Variants in BTBD1 observed in about 807,000 individuals in gnomAD.
BTBD1 encodes the protein BTB domain containing 1.
In BTBD1, 34 loss-of-function variants were observed where a neutral mutation model predicts 48.0. That is an observed-to-expected ratio of 0.71 (90% CI 0.54 to 0.94). The LOEUF is 0.94. Ranked by LOEUF, BTBD1 falls within the 40% of genes least tolerant of loss-of-function variation. The probability of loss-of-function intolerance (pLI) is 0.00; values close to 1 mark genes in which losing one functional copy is unlikely to be tolerated. For missense variants in BTBD1, 543 were observed against 625.6 expected (o/e 0.87, Z 1.41); for synonymous variants, 261 against 242.1 (o/e 1.08, Z -0.72).
At chr15:83,035,412 G>A (rs1407958586) in intron 4 of BTBD1, among the ~76,000 whole-genome samples, 1 of 151,864 alleles carries the variant, frequency 6.6e-6, no homozygotes, top group Non-Finnish European at 1.5e-5. Flanking sequence ...TGACTATACT[G>A]GAATTAAGAC....
rs2032189685 is a variant in BTBD1 at position 83,017,316 on chromosome 15, C to G, written c.*751G>C. On this transcript the variant is annotated 3_prime_UTR_variant, in exon 8 of 8. Coordinates refer to ENST00000261721, the MANE Select transcript of BTBD1 (RefSeq NM_025238.4). ...ATCTTGGGAATCATCAGCAGTGTCC[C>G]CCACACAGAGAGACAGGTATAGTGG... is the stretch of plus-strand genomic sequence containing the variant. The G allele has an allele frequency of 6.6e-6, 1 of 152,602 alleles. No homozygotes were observed. Among genetic ancestry groups the G allele is most frequent in the Non-Finnish European group, 1.5e-5 (1 of 68,040 alleles). The allele number at this position is 152,602 out of a possible 1,614,324, so 9.5% of individuals were successfully genotyped here. A position where few individuals can be genotyped will look rare whatever the true frequency, so the allele number is the denominator to read the frequency against.
intron 4 of BTBD1, among the ~76,000 whole-genome samples, chr15:83,037,890 C>G (rs944742907): frequency 1.3e-5 from 2 of 152,112 alleles, no homozygotes; most frequent in Non-Finnish European, 2.9e-5. Flanking sequence ...TTGAGACCAG[C>G]CTGGCCAACA....
intron 4 of BTBD1, among the ~76,000 whole-genome samples, chr15:83,034,082 G>A (rs1167255169): frequency 1.6e-5 from 2 of 128,330 alleles, no homozygotes; most frequent in African/African-American, 5.9e-5. Flanking sequence ...AGGAGACACT[G>A]TCTACACCAA....
At chr15:83,060,358 T>C (rs1462233966) in intron 1 of BTBD1, among the ~76,000 whole-genome samples, 5 of 151,192 alleles carry the variant, frequency 3.3e-5, no homozygotes, top group African/African-American at 1.2e-4. Flanking sequence ...TATTTTAAAG[T>C]GATCATTTAA....
Position 83,053,558 on chromosome 15 carries a change from A to G in BTBD1, c.558+2831T>C, listed in dbSNP as rs1024597169. ...CATTTTAATTGCCAAAGTTTAGTTTATTGGTTTCTGAATTTATATCTCACC... is the reference window on the plus strand; with the variant it reads ...CATTTTAATTGCCAAAGTTTAGTTTGTTGGTTTCTGAATTTATATCTCACC... On this transcript the variant is annotated intron_variant, in intron 2 of 7. Transcript: ENST00000261721. Among the ~76,000 whole-genome samples the G allele has an allele frequency of 2.0e-5, 3 of 152,196 alleles. 1 individual carries two copies. Among genetic ancestry groups the G allele is most frequent in the African/African-American group, 7.2e-5 (3 of 41,442 alleles).
intron 5 of BTBD1, among the ~76,000 whole-genome samples, chr15:83,021,640 G>A (rs745671138): frequency 6.6e-6 from 1 of 152,002 alleles, no homozygotes; most frequent in Admixed American, 6.6e-5. Flanking sequence ...TGTAATCCCA[G>A]CTACTAGAGA....
intron 4 of BTBD1, among the ~76,000 whole-genome samples, chr15:83,034,157 GT>G (rs1250693937): frequency 6.7e-6 from 1 of 148,924 alleles, no homozygotes; most frequent in Non-Finnish European, 1.5e-5. Context: ...TAAATATAAA[GT>G]GAACCAAATA....
intron 4 of BTBD1, among the ~76,000 whole-genome samples, chr15:83,038,277 A>G (rs543939050): frequency 6.6e-6 from 1 of 152,276 alleles, no homozygotes; most frequent in East Asian, 1.9e-4. Context: ...CTAGAAATAC[A>G]TCTAACTAAG....
At chr15:83,060,578 G>T (rs912637016) in intron 1 of BTBD1, among the ~76,000 whole-genome samples, 7 of 152,018 alleles carry the variant, frequency 4.6e-5, no homozygotes, top group Non-Finnish European at 8.8e-5. Context: ...CGGATCACCT[G>T]GGGTCAGGAG....
At chr15:83,060,655 G>A (rs1235040395) in intron 1 of BTBD1, among the ~76,000 whole-genome samples, 3 of 151,942 alleles carry the variant, frequency 2.0e-5, no homozygotes, top group Non-Finnish European at 4.4e-5. Context: ...TTAGCCAGGC[G>A]TGGTGGCACA....
chr15:83,051,875 T>TACACACACACACACACAC (rs1187803458), intron 2 of BTBD1, among the ~76,000 whole-genome samples: 1,586 of 43,620 alleles, frequency 0.036, 42 homozygotes, highest in African/African-American at 0.071. Context: ...TTTCCATATA[T>TACACACACACACACACAC]ATACACACAC....
chr15:83,035,183 A>C (rs2032601004), intron 4 of BTBD1, among the ~76,000 whole-genome samples: 1 of 152,112 alleles, frequency 6.6e-6, no homozygotes, highest in South Asian at 2.1e-4. Context: ...AATCCCAGCT[A>C]CCGGGGAGGC....
At chr15:83,062,218 T>C (rs968922824) in intron 1 of BTBD1, among the ~76,000 whole-genome samples, 1 of 152,246 alleles carries the variant, frequency 6.6e-6, no homozygotes, top group South Asian at 2.1e-4. Flanking sequence ...AGGGGAATTA[T>C]ATGACCATAT....
intron 5 of BTBD1, among the ~76,000 whole-genome samples, chr15:83,025,334 G>A (rs564702489): frequency 2.3e-5 from 3 of 128,052 alleles, no homozygotes; most frequent in African/African-American, 9.0e-5. Flanking sequence ...CTCCAGCCTG[G>A]GCAACAAAAC....
chr15:83,025,830 C>T (rs554482990), intron 5 of BTBD1, among the ~76,000 whole-genome samples: 16 of 151,972 alleles, frequency 1.1e-4, no homozygotes, highest in African/African-American at 3.6e-4. Flanking sequence ...AGTGCAGTGG[C>T]GTGGTCTTGG....
chr15:83,047,825 T>C (rs2032907963), intron 3 of BTBD1, among the ~76,000 whole-genome samples: 1 of 152,204 alleles, frequency 6.6e-6, no homozygotes, highest in African/African-American at 2.4e-5. Flanking sequence ...GCCTGACAAA[T>C]ACAAGGCCTG....
chr15:83,057,144 A>T (rs754004077), intron 1 of BTBD1, among the ~76,000 whole-genome samples: 1 of 152,194 alleles, frequency 6.6e-6, no homozygotes, highest in African/African-American at 2.4e-5. Context: ...ATCCTCTCAC[A>T]TAGAAGGAAG....
chr15:83,038,149 A>G (rs2151305537), intron 4 of BTBD1, among the ~76,000 whole-genome samples: 1 of 152,290 alleles, frequency 6.6e-6, no homozygotes, highest in South Asian at 2.1e-4. Flanking sequence ...ATAAAGCCTC[A>G]GAATATAAAA....
intron 4 of BTBD1, among the ~76,000 whole-genome samples, chr15:83,039,723 A>C (rs2032706793): frequency 6.7e-6 from 1 of 150,064 alleles, no homozygotes; most frequent in Non-Finnish European, 1.5e-5. Context: ...AGTTGCAGTG[A>C]GCTAAGATTG....
Sources: allele counts gnomAD v4.1 joint callset (sites outside exome capture counted in the v4.1 genomes callset), GRCh38; gene constraint gnomAD v4.1.1; transcripts MANE v1.5; gene names NCBI Gene and HGNC (gene_info 2026-07-23, HGNC 2026-07-21).